The following FCGR2A variants were observed in gnomAD, a reference collection of about 807,000 sequenced individuals.
FCGR2A encodes the protein low affinity immunoglobulin gamma Fc region receptor II-a.
In FCGR2A, 18 loss-of-function variants were observed where a neutral mutation model predicts 29.3. That is an observed-to-expected ratio of 0.62 (90% CI 0.43 to 0.91). The LOEUF (loss-of-function observed/expected upper bound fraction) is 0.91. Among genes scored for constraint, FCGR2A ranks in the 40% least tolerant of loss-of-function variants. FCGR2A has a pLI of 0.00. For synonymous variants in FCGR2A, 126 were observed against 144.8 expected (o/e 0.87, Z 0.93); for missense variants, 287 against 393.0 (o/e 0.73, Z 2.28).
intron 5 of FCGR2A, among the ~76,000 whole-genome samples, chr1:161,511,162 G>C (rs1394041143): frequency 6.6e-6 from 1 of 152,208 alleles, no homozygotes; most frequent in Non-Finnish European, 1.5e-5. Context: ...GATGAAAGAG[G>C]CTGATGCTCT....
chr1:161,512,285 G>A (rs10918888), intron 5 of FCGR2A, among the ~76,000 whole-genome samples: 22,932 of 146,208 alleles, frequency 0.16, 1,090 homozygotes, highest in Middle Eastern at 0.28. Flanking sequence ...GGGATGGGGT[G>A]GAGTGGCCAG....
chr1:161,507,565 C>A (rs1203045435), intron 3 of FCGR2A, among the ~76,000 whole-genome samples: 1 of 152,206 alleles, frequency 6.6e-6, no homozygotes, highest in African/African-American at 2.4e-5. Flanking sequence ...CTGTTCAACA[C>A]TGAAAGGGTG....
intron 3 of FCGR2A, 139 bp from the exon 4 acceptor site, chr1:161,509,681 T>C: frequency 8.7e-7 from 1 of 1,146,404 alleles, no homozygotes; most frequent in Non-Finnish European, 1.3e-6. Context: ...TATAAGAGAA[T>C]GCTCACATCT....
At chr1:161,506,313 C>T (rs1465835547) in intron 2 of FCGR2A, 21 bp from the exon 3 acceptor site, 4 of 1,613,912 alleles carry the variant, frequency 2.5e-6, no homozygotes. Context: ...ATTCCACACC[C>T]CTTTCCACTC....
At chr1:161,512,392 G>C (rs1487553001) in intron 5 of FCGR2A, among the ~76,000 whole-genome samples, 1 of 147,408 alleles carries the variant, frequency 6.8e-6, no homozygotes, top group African/African-American at 2.5e-5. Context: ...GGCAAAGCTC[G>C]GTTCCAATGC....
In FCGR2A at chr1:161,506,729, C is replaced by T. The variant is rs186723803; in HGVS notation, c.364+138C>T. 6.8e-4 allele frequency: 976 copies of T among 1,437,314 alleles called. 9 individuals are homozygous for T. The highest frequency in any genetic ancestry group is 1.1e-4 in the Non-Finnish European group (121 of 1,068,718). The allele number at this position is 1,437,314 out of a possible 1,614,324, so 89.0% of individuals were successfully genotyped here. On this transcript the variant is annotated intron_variant, in intron 3 of 6. Coordinates refer to ENST00000271450, the MANE Select transcript of FCGR2A (RefSeq NM_001136219.3). ...TGTTGTGAGTTGCTCATTCATTCCC[C>T]ATTTCACCCACCCTCTTTGCTTAGC... is the stretch of plus-strand genomic sequence containing the variant.
At chr1:161,507,352 G>A (rs1475599044) in intron 3 of FCGR2A, among the ~76,000 whole-genome samples, 1 of 152,124 alleles carries the variant, frequency 6.6e-6, no homozygotes. Flanking sequence ...TCAGCTCCTG[G>A]CCTCAAGTGA....
chr1:161,516,508 A>AC (rs58089346), intron 6 of FCGR2A, among the ~76,000 whole-genome samples: 9 of 152,120 alleles, frequency 5.9e-5, no homozygotes, highest in Admixed American at 2.6e-4. Flanking sequence ...TTGACTGATA[A>AC]AAAGTCAGTA....
intron 5 of FCGR2A, 59 bp downstream of exon 5, chr1:161,511,015 C>T (rs1238347506): frequency 2.5e-5 from 40 of 1,612,464 alleles, no homozygotes; most frequent in Non-Finnish European, 3.3e-5. Flanking sequence ...AGGGCCTAAC[C>T]CCAGACATTG....
In FCGR2A at chr1:161,513,942, C is replaced by A; in HGVS notation, c.780+10C>A. On this transcript the variant is annotated intron_variant, in intron 6 of 6. Coordinates refer to ENST00000271450, the MANE Select transcript of FCGR2A (RefSeq NM_001136219.3). ...GGCTGCCCAATTTGAGGTGAGTAAT[C>A]CCAGCCATCTCCTTTTCCTCCTGCC... 6.2e-7 allele frequency: 1 copy of A among 1,614,242 alleles called. No homozygotes were observed. The highest frequency in any genetic ancestry group is 8.5e-7 in the Non-Finnish European group (1 of 1,180,036).
chr1:161,515,063 AC>A (rs1307685974), intron 6 of FCGR2A, among the ~76,000 whole-genome samples: 1 of 152,292 alleles, frequency 6.6e-6, no homozygotes, highest in Non-Finnish European at 1.5e-5. Flanking sequence ...TGCAATGGTC[AC>A]AGTGAGGATG....
At chr1:161,522,509 C>T (rs1346217091), downstream of FCGR2A, among the ~76,000 whole-genome samples, 1 of 152,024 alleles carries the variant, frequency 6.6e-6, no homozygotes, top group African/African-American at 2.4e-5. Context: ...ACAAGACAGC[C>T]CCTTAACACG....
chr1:161,507,636 G>A lies in FCGR2A; in HGVS notation c.364+1045G>A, dbSNP rs148899389. On this transcript the variant is annotated intron_variant, in intron 3 of 6. Coordinates refer to ENST00000271450, the MANE Select transcript of FCGR2A (RefSeq NM_001136219.3). The stretch of plus-strand genomic sequence containing the variant: ...CCAGAGAGATCCTGGCTGTGGAGTC[G>A]CTTTCTGTTGATGGTGCTTTACTGA... Among the ~76,000 whole-genome samples, 121 of 152,258 alleles carry A rather than the reference G, an allele frequency of 7.9e-4. 2 individuals are homozygous for A. Among genetic ancestry groups the A allele is most frequent in the African/African-American group, 2.7e-3 (111 of 41,546 alleles).
chr1:161,508,623 A>T (rs1227643884), intron 3 of FCGR2A, among the ~76,000 whole-genome samples: 1 of 151,426 alleles, frequency 6.6e-6, no homozygotes, highest in Non-Finnish European at 1.5e-5. Context: ...CTGTTTTTTT[A>T]AATGAATTTT....
chr1:161,506,404 T>C lies in FCGR2A; in HGVS notation c.177T>C (p.Thr59=), dbSNP rs1449064935. Reference sequence around the variant, plus strand: ...ACGTGCTCCAGGAGGACTCTGTGACTCTGACATGCCAGGGGGCTCGCAGCC... The same window carrying C: ...ACGTGCTCCAGGAGGACTCTGTGACCCTGACATGCCAGGGGGCTCGCAGCC... ...WINVLQEDSV[T]LTCQGARSPE... The change falls in exon 3 of 7, where the codon ACT becomes ACC. Residue 59 remains threonine, a synonymous_variant. Coordinates refer to ENST00000271450, the MANE Select transcript of FCGR2A (RefSeq NM_001136219.3). The C allele has an allele frequency of 1.2e-6, 2 of 1,614,222 alleles. No individual in the cohort carries two copies. The highest frequency in any genetic ancestry group is 2.2e-5 in the South Asian group (2 of 91,088).
At chr1:161,514,690 G>C (rs1676036466) in intron 6 of FCGR2A, 1 of 152,622 alleles carries the variant, frequency 6.6e-6, no homozygotes, top group Admixed American at 6.5e-5. Flanking sequence ...TGATTCAGCA[G>C]TTAATCTTGG....
intron 3 of FCGR2A, among the ~76,000 whole-genome samples, chr1:161,509,532 A>G (rs926082700): frequency 6.6e-6 from 1 of 152,238 alleles, no homozygotes; most frequent in Admixed American, 6.5e-5. Flanking sequence ...CTCTACAGTT[A>G]CTGAAATGCG....
At chr1:161,511,435 T>G (rs2102471624) in intron 5 of FCGR2A, among the ~76,000 whole-genome samples, 1 of 152,314 alleles carries the variant, frequency 6.6e-6, no homozygotes, top group East Asian at 1.9e-4. Context: ...TTACTGATGA[T>G]AAGTAAATAC....
At chr1:161,522,465 C>T (rs1281742490), downstream of FCGR2A, among the ~76,000 whole-genome samples, 1 of 151,960 alleles carries the variant, frequency 6.6e-6, no homozygotes, top group Non-Finnish European at 1.5e-5. Flanking sequence ...TTTGAGGTGG[C>T]TGGGGGCTGG....
Sources: gnomAD v4.1 joint callset for allele counts (sites outside exome capture counted in the v4.1 genomes callset) on GRCh38, gnomAD v4.1.1 for gene constraint, MANE v1.5 for transcripts, NCBI Gene and HGNC (gene_info 2026-07-23, HGNC 2026-07-21) for gene names.